The following MYO18B variants were observed in gnomAD, a reference collection of about 807,000 sequenced individuals.
MYO18B encodes myosin XVIIIB.
MYO18B carries 204 observed loss-of-function variants against 273.0 expected under a neutral mutation model. That is an observed-to-expected ratio of 0.75 (90% CI 0.67 to 0.84). The LOEUF (loss-of-function observed/expected upper bound fraction) is 0.84, where lower values mean the gene tolerates loss of function less well. Ranked by LOEUF, MYO18B falls within the 40% of genes least tolerant of loss-of-function variation. MYO18B has a pLI of 0.00. For missense variants in MYO18B, 3,212 were observed against 3,287.6 expected, an observed-to-expected ratio of 0.98 and a Z score of 0.56; for synonymous variants, 1,330 against 1,305.7, an observed-to-expected ratio of 1.02 and a Z score of -0.40.
rs1178833773 is a variant in MYO18B at position 25,828,778 on chromosome 22, C to A, written c.2789C>A (p.Ser930Tyr). Residue 930 changes from serine to tyrosine, a missense_variant and splice_region_variant, in exon 15 of 44, where the codon TCC (serine) becomes TAC (tyrosine). Ser to Tyr is a moderately radical substitution (Grantham distance 144). Transcript: ENST00000335473. ...FAAVVSLINR[S>Y]FSSHHLSMAS... ...CCACCTCTCTCTTCTCTCCCTAGAT[C>A]CTTTTCCTCCCACCATCTCTCCATG... is the stretch of plus-strand genomic sequence containing the variant. 6.2e-7 allele frequency: 1 copy of A among 1,613,082 alleles called. No individual in the cohort carries two copies. The highest frequency in any genetic ancestry group is 1.1e-5 in the South Asian group (1 of 91,048).
intron 42 of MYO18B, among the ~76,000 whole-genome samples, chr22:26,012,559 T>C (rs1934996015): frequency 6.6e-6 from 1 of 152,190 alleles, no homozygotes; most frequent in African/African-American, 2.4e-5. Context: ...ACCAAAGGCC[T>C]GAGCAAGTGA....
chr22:26,029,333 T>C (rs11913497), intron 43 of MYO18B, among the ~76,000 whole-genome samples: 22,525 of 152,198 alleles, frequency 0.15, 1,883 homozygotes, highest in Middle Eastern at 0.23. Flanking sequence ...TCTATTTCTT[T>C]GAGAGACAGC....
chr22:25,908,322 C>CTCCGCCAGCGGTTTGAGCTGGAGA lies in MYO18B; in HGVS notation c.5152_5175dup (p.Arg1718_Ile1725dup). The CTCCGCCAGCGGTTTGAGCTGGAGA allele has an allele frequency of 6.3e-7, 1 of 1,575,406 alleles. No individual in the cohort carries two copies. The highest frequency in any genetic ancestry group is 8.6e-7 in the Non-Finnish European group (1 of 1,160,730). On this transcript the variant is annotated inframe_insertion and splice_region_variant, in exon 32 of 44. Transcript: ENST00000335473. ...CGTGCTGTCCTTGCTGCCCCCGCAG[C>CTCCGCCAGCGGTTTGAGCTGGAGA]TCCGCCAGCGGTTTGAGCTGGAGAT...
chr22:25,836,169 A>G lies in MYO18B; in HGVS notation c.3208+726A>G, dbSNP rs140228570. Reference sequence around the variant, plus strand: ...GAAGGCGTGAAACCAGAACAAAGTGATCATGAGATTTGGTATCCATGGGCT... The same window carrying G: ...GAAGGCGTGAAACCAGAACAAAGTGGTCATGAGATTTGGTATCCATGGGCT... On this transcript the variant is annotated intron_variant, in intron 17 of 43. Transcript: ENST00000335473. Among the ~76,000 whole-genome samples, 511 of 152,286 alleles carry G rather than the reference A, an allele frequency of 3.4e-3. 12 individuals carry two copies. The highest frequency in any genetic ancestry group is 3.1e-3 in the East Asian group (16 of 5,178).
intron 25 of MYO18B, among the ~76,000 whole-genome samples, chr22:25,890,034 C>G: frequency 6.6e-6 from 1 of 152,184 alleles, no homozygotes; most frequent in East Asian, 1.9e-4. Flanking sequence ...GTTGCAACAA[C>G]ACCTATTTGG....
intron 22 of MYO18B, among the ~76,000 whole-genome samples, chr22:25,873,772 C>T (rs2091113596): frequency 6.6e-6 from 1 of 152,200 alleles, no homozygotes; most frequent in Admixed American, 6.5e-5. Context: ...CTGCTTCACT[C>T]AGATTGCTGT....
intron 34 of MYO18B, among the ~76,000 whole-genome samples, chr22:25,939,661 AG>A (rs1160416994): frequency 2.0e-5 from 3 of 152,316 alleles, no homozygotes; most frequent in Non-Finnish European, 4.4e-5. Context: ...TATTTATCAC[AG>A]GGAAGATGGG....
At chr22:26,024,057 C>A (rs186232993) in intron 42 of MYO18B, among the ~76,000 whole-genome samples, 4 of 152,128 alleles carry the variant, frequency 2.6e-5, no homozygotes, top group Non-Finnish European at 5.9e-5. Flanking sequence ...TTTCTTCTTA[C>A]GGTGAGACAG....
intron 6 of MYO18B, among the ~76,000 whole-genome samples, chr22:25,771,573 T>C (rs1601644046): frequency 6.6e-6 from 1 of 152,026 alleles, no homozygotes; most frequent in East Asian, 1.9e-4. Flanking sequence ...CCTCACAGCC[T>C]GCTATCTTAG....
chr22:25,916,634 A>G (rs946802055), intron 33 of MYO18B, among the ~76,000 whole-genome samples: 2 of 152,160 alleles, frequency 1.3e-5, no homozygotes, highest in African/African-American at 4.8e-5. Context: ...TTAATTTTTA[A>G]TTTAATGGCA....
At chr22:25,868,228 C>A in intron 21 of MYO18B, 92 bp from the exon 22 acceptor site, 1 of 1,074,492 alleles carries the variant, frequency 9.3e-7, no homozygotes. Context: ...ATCCTCCGTC[C>A]TGGCGCATCA....
the MYO18B span, among the ~76,000 whole-genome samples, chr22:26,042,688 C>A: frequency 1.3e-5 from 2 of 152,202 alleles, no homozygotes; most frequent in African/African-American, 4.8e-5. Context: ...GCCAGAAATT[C>A]ATTTCACTCC....
At chr22:25,863,666 C>CATTT (rs1454366597) in intron 21 of MYO18B, among the ~76,000 whole-genome samples, 6 of 152,276 alleles carry the variant, frequency 3.9e-5, no homozygotes, top group Middle Eastern at 3.4e-3. Context: ...GAGGCTTTTC[C>CATTT]ATTTTCCTGT....
At chr22:25,865,603 A>G (rs144055572) in intron 21 of MYO18B, among the ~76,000 whole-genome samples, 318 of 152,314 alleles carry the variant, frequency 2.1e-3, no homozygotes, top group African/African-American at 7.4e-3. Context: ...TTTCTGAAAC[A>G]GGTGCCGTTA....
chr22:25,956,278 C>T lies in MYO18B; in HGVS notation c.6156+914C>T, dbSNP rs935804206. Among the ~76,000 whole-genome samples, 18 of 151,348 alleles carry T rather than the reference C, an allele frequency of 1.2e-4. No individual in the cohort carries two copies. The East Asian group carries it at 2.5e-3, about 21-fold the overall frequency. On this transcript the variant is annotated intron_variant, in intron 39 of 43. Transcript: ENST00000335473. ...TTTGCCAGGCTGGGGTGCAGTGGCACGATCTCAGCTCACTATAATCTCCAT... is the reference window on the plus strand; with the variant it reads ...TTTGCCAGGCTGGGGTGCAGTGGCATGATCTCAGCTCACTATAATCTCCAT...
chr22:26,061,928 A>G, the MYO18B span, among the ~76,000 whole-genome samples: 1 of 152,216 alleles, frequency 6.6e-6, no homozygotes, highest in African/African-American at 2.4e-5. Context: ...TTAAGAAAAT[A>G]CTGGATTAAA....
intron 39 of MYO18B, among the ~76,000 whole-genome samples, chr22:25,970,827 T>A (rs922311146): frequency 6.7e-6 from 1 of 148,442 alleles, no homozygotes; most frequent in African/African-American, 2.6e-5. Context: ...ACTTAAACAC[T>A]CAGGGGGAAT....
At chr22:25,894,323 A>AGGATGGATGGAT (rs1555929391) in intron 27 of MYO18B, among the ~76,000 whole-genome samples, 1 of 152,162 alleles carries the variant, frequency 6.6e-6, no homozygotes. Context: ...GATGGATGGA[A>AGGATGGATGGAT]GGATGGATGG....
chr22:25,818,196 C>T (rs778420745), intron 12 of MYO18B, among the ~76,000 whole-genome samples: 30 of 152,232 alleles, frequency 2.0e-4, no homozygotes, highest in Non-Finnish European at 3.5e-4. Context: ...GGAAAATCCA[C>T]TTCCCCCAAT....
Sources: gnomAD v4.1 joint callset for allele counts (sites outside exome capture counted in the v4.1 genomes callset) on GRCh38, gnomAD v4.1.1 for gene constraint, MANE v1.5 for transcripts, NCBI Gene and HGNC (gene_info 2026-07-23, HGNC 2026-07-21) for gene names.